Variants in ZYG11B observed in about 807,000 individuals in gnomAD.
ZYG11B encodes protein zyg-11 homolog B.
A neutral mutation model predicts 82.4 loss-of-function variants in ZYG11B; 36 were observed. That is an observed-to-expected ratio of 0.44 (90% CI 0.33 to 0.58). ZYG11B has a LOEUF of 0.58. Ranked by LOEUF, ZYG11B falls within the 20% of genes least tolerant of loss-of-function variation. The pLI, the probability that ZYG11B is intolerant of heterozygous loss-of-function variation, is 0.02. For synonymous variants in ZYG11B, 303 were observed against 312.8 expected, an observed-to-expected ratio of 0.97 and a Z score of 0.33; for missense variants, 552 against 895.6, an observed-to-expected ratio of 0.62 and a Z score of 4.90.
In ZYG11B at chr1:52,802,578, T is replaced by C. The variant is rs533350839; in HGVS notation, c.1695+439T>C. On this transcript the variant is annotated intron_variant, in intron 10 of 13. Coordinates refer to ENST00000294353, the MANE Select transcript of ZYG11B (RefSeq NM_024646.3). Reference sequence around the variant, plus strand: ...GTTGCCCAGGATGGTCTCAAACTCCTGAGCTCAAGCAATCCTCCTACCTCG... The same window carrying C: ...GTTGCCCAGGATGGTCTCAAACTCCCGAGCTCAAGCAATCCTCCTACCTCG... Among the ~76,000 whole-genome samples the C allele has an allele frequency of 3.3e-5, 5 of 151,858 alleles. No individual in the cohort carries two copies. The South Asian group carries it at 1.0e-3, about 32-fold the overall frequency.
At chr1:52,817,811 ATATATTTTTTTTTTTTTTTTTTT>A (rs1645247010) in intron 13 of ZYG11B, among the ~76,000 whole-genome samples, 2 of 36,974 alleles carry the variant, frequency 5.4e-5, no homozygotes, top group African/African-American at 2.4e-4. Context: ...ATATATATAT[ATATATTTTTTTTTTTTTTTTTTT>A]TTTTTTTTTT....
chr1:52,798,704 G>A (rs1345037860), intron 8 of ZYG11B, among the ~76,000 whole-genome samples: 2 of 152,186 alleles, frequency 1.3e-5, no homozygotes, highest in African/African-American at 4.8e-5. Flanking sequence ...ATAAGGTTGT[G>A]CTGTATGCTT....
intron 6 of ZYG11B, among the ~76,000 whole-genome samples, chr1:52,791,845 GT>G (rs1206891817): frequency 6.6e-6 from 1 of 152,114 alleles, no homozygotes; most frequent in Non-Finnish European, 1.5e-5. Flanking sequence ...TTGAACCTCT[GT>G]GCTCATCATC....
At chr1:52,755,205 C>T (rs1644563783) in intron 1 of ZYG11B, among the ~76,000 whole-genome samples, 1 of 152,188 alleles carries the variant, frequency 6.6e-6, no homozygotes, top group South Asian at 2.1e-4. Context: ...TCATGATCCG[C>T]CCACCTCGGC....
At chr1:52,726,753 T>C in intron 1 of ZYG11B, 70 bp downstream of exon 1, 2 of 1,377,026 alleles carry the variant, frequency 1.5e-6, no homozygotes, top group Non-Finnish European at 9.4e-7. Flanking sequence ...CGCTGGCCCC[T>C]GCGGTCTTGC....
intron 3 of ZYG11B, among the ~76,000 whole-genome samples, chr1:52,774,609 A>ATTTTTTTTTTTTTTTTT (rs35043109): frequency 2.7e-5 from 3 of 111,142 alleles, no homozygotes; most frequent in Admixed American, 8.7e-5. Flanking sequence ...GCCTGGCCTA[A>ATTTTTTTTTTTTTTTTT]TTTTTTTTTT....
chr1:52,726,772 G>T, intron 1 of ZYG11B, 89 bp downstream of exon 1: 1 of 1,290,458 alleles, frequency 7.7e-7, no homozygotes, highest in Non-Finnish European at 1.0e-6. Flanking sequence ...GCCCCTCCCT[G>T]TCTCTGGTGT....
intron 13 of ZYG11B, 151 bp from the exon 14 acceptor site, chr1:52,821,288 G>T (rs1645281077): frequency 7.3e-6 from 5 of 687,812 alleles, no homozygotes; most frequent in Non-Finnish European, 9.4e-6. Context: ...CAGTATAGAG[G>T]TTATTTATCA....
intron 1 of ZYG11B, among the ~76,000 whole-genome samples, chr1:52,746,166 T>C (rs1163791039): frequency 6.6e-6 from 1 of 151,720 alleles, no homozygotes; most frequent in Non-Finnish European, 1.5e-5. Flanking sequence ...TTCACTGTGT[T>C]AGCCAGGATG....
Position 52,822,644 on chromosome 1 carries a change from A to G in ZYG11B, c.*1015A>G, listed in dbSNP as rs1282038978. 1.3e-5 allele frequency: 2 copies of G among 152,212 alleles called. No homozygotes were observed. The highest frequency in any genetic ancestry group is 1.5e-5 in the Non-Finnish European group (1 of 68,014). The allele number at this position is 152,212 out of a possible 1,614,324, so 9.4% of individuals were successfully genotyped here. On this transcript the variant is annotated 3_prime_UTR_variant, in exon 14 of 14. Coordinates refer to ENST00000294353, the MANE Select transcript of ZYG11B (RefSeq NM_024646.3). ...AAAATCTCTTGTTCAAAATATGTGT[A>G]TCTTCTTAATGTGTTCATGTTAGAG...
chr1:52,821,251 G>T (rs1374595039), intron 13 of ZYG11B, among the ~76,000 whole-genome samples, 188 bp from the exon 14 acceptor site: 1 of 151,976 alleles, frequency 6.6e-6, no homozygotes, highest in East Asian at 1.9e-4. Context: ...GATTGAATGT[G>T]TAGGCCTTGC....
At chr1:52,799,598 A>G (rs1310284423) in intron 8 of ZYG11B, among the ~76,000 whole-genome samples, 2 of 151,682 alleles carry the variant, frequency 1.3e-5, no homozygotes, top group Non-Finnish European at 2.9e-5. Flanking sequence ...CACCAGCCTC[A>G]TGGTGTCAAA....
chr1:52,819,785 GA>G (rs199588657), intron 13 of ZYG11B, among the ~76,000 whole-genome samples: 7 of 129,282 alleles, frequency 5.4e-5, no homozygotes, highest in African/African-American at 8.9e-5. Flanking sequence ...GACTCTGTCT[GA>G]AAAAAAAATA....
chr1:52,811,361 A>T (rs966428756), intron 10 of ZYG11B, among the ~76,000 whole-genome samples: 6 of 152,170 alleles, frequency 3.9e-5, no homozygotes, highest in Non-Finnish European at 7.3e-5. Context: ...CTTCAGTTAT[A>T]AGCATGTTAG....
intron 8 of ZYG11B, among the ~76,000 whole-genome samples, chr1:52,797,521 T>A (rs192639097): frequency 0.017 from 1,709 of 98,776 alleles, 35 homozygotes; most frequent in African/African-American, 0.054. Flanking sequence ...ATATATATTT[T>A]TTTTTAGACA....
At chr1:52,765,293 C>T (rs1301094955) in intron 2 of ZYG11B, among the ~76,000 whole-genome samples, 2 of 152,040 alleles carry the variant, frequency 1.3e-5, no homozygotes, top group Non-Finnish European at 2.9e-5. Flanking sequence ...GCCTTGAACT[C>T]CTGGACTCAA....
At chr1:52,727,776 A>G (rs1281423614) in intron 1 of ZYG11B, among the ~76,000 whole-genome samples, 3 of 152,122 alleles carry the variant, frequency 2.0e-5, no homozygotes, top group Non-Finnish European at 4.4e-5. Flanking sequence ...TTGAGGCTTC[A>G]GTTGGTTTTT....
At chr1:52,800,113 TAA>T (rs1160751586) in intron 8 of ZYG11B, among the ~76,000 whole-genome samples, 1 of 142,984 alleles carries the variant, frequency 7.0e-6, no homozygotes, top group African/African-American at 2.6e-5. Context: ...CTGGCTCTAA[TAA>T]AAAAAAAAAA....
chr1:52,817,777 G>GTGTGTGTATATATA (rs1352242565), intron 13 of ZYG11B, among the ~76,000 whole-genome samples: 3 of 41,542 alleles, frequency 7.2e-5, no homozygotes, highest in Non-Finnish European at 1.2e-4. Flanking sequence ...ATATATATGT[G>GTGTGTGTATATATA]TATATATATA....
Sources: gnomAD v4.1 joint callset for allele counts (sites outside exome capture counted in the v4.1 genomes callset) on GRCh38, gnomAD v4.1.1 for gene constraint, MANE v1.5 for transcripts, NCBI Gene and HGNC (gene_info 2026-07-23, HGNC 2026-07-21) for gene names.